The following SYNJ1 variants were observed in gnomAD, a reference collection of about 807,000 sequenced individuals.
SYNJ1 encodes polyphosphatidylinositol phosphatase SYNJ1.
In SYNJ1, 78 loss-of-function variants were observed where a neutral mutation model predicts 168.2. That is an observed-to-expected ratio of 0.46 (90% CI 0.39 to 0.56). The LOEUF (loss-of-function observed/expected upper bound fraction) is 0.56. SYNJ1 is among the 20% of genes least tolerant of loss of function. SYNJ1 has a pLI of 0.00. For missense variants in SYNJ1, 1,303 were observed against 1,597.6 expected (o/e 0.82, Z 3.14); for synonymous variants, 539 against 548.6 (o/e 0.98, Z 0.24).
rs979476656 is a variant in SYNJ1 at position 32,630,768 on chromosome 21, C to T, written c.*1037G>A. On this transcript the variant is annotated 3_prime_UTR_variant, in exon 33 of 33. Coordinates refer to ENST00000674351, the MANE Select transcript of SYNJ1 (RefSeq NM_203446.3). ...TACTTTTTATGGCTACTACTGTCTCCTATTCATCCAAAGAGAAATACATCA... is the reference window on the plus strand; with the variant it reads ...TACTTTTTATGGCTACTACTGTCTCTTATTCATCCAAAGAGAAATACATCA... 1 of 450,546 alleles carries T rather than the reference C, an allele frequency of 2.2e-6. No individual in the cohort carries two copies. Among genetic ancestry groups the T allele is most frequent in the Middle Eastern group, 6.2e-4 (1 of 1,624 alleles). The allele number at this position is 450,546 out of a possible 1,614,324, so 27.9% of individuals were successfully genotyped here.
intron 2 of SYNJ1, among the ~76,000 whole-genome samples, chr21:32,709,079 GAAC>G (rs760779421): frequency 6.6e-6 from 1 of 152,094 alleles, no homozygotes; most frequent in Non-Finnish European, 1.5e-5. Context: ...GTTAATCACA[GAAC>G]AATTAAAAAG....
chr21:32,666,287 C>G lies in SYNJ1; in HGVS notation c.1952+146G>C. The G allele has an allele frequency of 2.1e-6, 3 of 1,445,258 alleles. No individual in the cohort carries two copies. In the South Asian group the frequency reaches 4.2e-5, roughly 20 times the overall value. 89.5% of individuals were successfully genotyped at this position (1,445,258 alleles called of 1,614,324 possible). On this transcript the variant is annotated intron_variant, in intron 16 of 32. Coordinates refer to ENST00000674351, the MANE Select transcript of SYNJ1 (RefSeq NM_203446.3). ...TAGTACAGTGAAGCTATTGGTGAGT[C>G]TTTAATCAAAACCCCCAAAACCCCA... is the stretch of plus-strand genomic sequence containing the variant.
At chr21:32,695,317 A>G in intron 4 of SYNJ1, 35 bp from the exon 5 acceptor site, 1 of 1,573,188 alleles carries the variant, frequency 6.4e-7, no homozygotes, top group South Asian at 1.1e-5. Context: ...TAGCTTATGG[A>G]ATACTAAGTA....
intron 23 of SYNJ1, among the ~76,000 whole-genome samples, chr21:32,648,115 T>C (rs2145794020): frequency 6.6e-6 from 1 of 152,308 alleles, no homozygotes; most frequent in Middle Eastern, 3.4e-3. Flanking sequence ...CCCAGCCTAA[T>C]TTTCTCAGTG....
At chr21:32,727,741 C>T in intron 1 of SYNJ1, 5 of 1,166,734 alleles carry the variant, frequency 4.3e-6, no homozygotes, top group Non-Finnish European at 4.6e-6. Context: ...GCTGTCACCA[C>T]AGCCCCCAGC....
At chr21:32,657,639 C>T (rs191377731) in intron 19 of SYNJ1, 77 bp downstream of exon 19, 10 of 1,343,492 alleles carry the variant, frequency 7.4e-6, no homozygotes, top group Non-Finnish European at 8.0e-6. Flanking sequence ...ATATTCTCCT[C>T]ATTTGATATT....
rs1162064512 is a variant in SYNJ1 at position 32,630,892 on chromosome 21, G to A, written c.*913C>T. The A allele has an allele frequency of 3.6e-6, 4 of 1,102,538 alleles. No individual in the cohort carries two copies. Among genetic ancestry groups the A allele is most frequent in the Non-Finnish European group, 5.1e-6 (4 of 777,716 alleles). 68.3% of individuals were successfully genotyped at this position (1,102,538 alleles called of 1,614,324 possible). ...ATAGTGGTGTTTTGTGAAGATATCA[G>A]TGCACTTACAATGACTTATTGCACA... On this transcript the variant is annotated 3_prime_UTR_variant, in exon 33 of 33. Transcript: ENST00000674351.
At chr21:32,690,674 T>C (rs1028607510) in intron 6 of SYNJ1, among the ~76,000 whole-genome samples, 1 of 151,386 alleles carries the variant, frequency 6.6e-6, no homozygotes, top group Non-Finnish European at 1.5e-5. Context: ...CTGGATCACC[T>C]GAGGTCAGGA....
chr21:32,705,041 C>A (rs530854816), intron 2 of SYNJ1, among the ~76,000 whole-genome samples: 3 of 150,708 alleles, frequency 2.0e-5, no homozygotes, highest in East Asian at 3.9e-4. Context: ...CCCAGCTACT[C>A]GGGAAGTTGA....
At position 32,657,063 on chromosome 21, in the gene SYNJ1, G is replaced by A. The variant is rs560413403; in HGVS notation, c.2519C>T (p.Thr840Met). Residue 840 changes from threonine to methionine, a missense_variant, in exon 20 of 33, where the codon ACG becomes ATG. Around this residue, in one of 2 missense-constraint regions of SYNJ1, gnomAD observed 920 missense variants for 1,208.8 expected, o/e 0.76. Transcript: ENST00000674351. ...GTGCAGCAAAGTGCCTGGAGTCCAC[G>A]TGTACAGAATTTTGCTTTCATCTTG... ...SFQDESKILY[T>M]WTPGTLLHYG... The A allele has an allele frequency of 2.0e-5, 33 of 1,614,032 alleles. No individual in the cohort carries two copies. Among genetic ancestry groups the A allele is most frequent in the Admixed American group, 5.0e-5 (3 of 60,002 alleles).
In SYNJ1 at chr21:32,646,506, G is replaced by A; in HGVS notation, c.3134C>T (p.Ser1045Leu). Reference protein sequence around the residue: ...SSGLGTSPSSSPRTSPCQSPT... With the variant: ...SSGLGTSPSSLPRTSPCQSPT... ...TGACTGGCAGGGACTAGTTCGGGGT[G>A]AAGAGCTGGGGGAAGTACCAAGGCC... The change falls in exon 24 of 33, where the codon TCA becomes TTA. Residue 1045 changes from serine to leucine, a missense_variant. Transcript: ENST00000674351. The A allele has an allele frequency of 3.1e-6, 5 of 1,614,160 alleles. No individual in the cohort carries two copies. The highest frequency in any genetic ancestry group is 3.4e-6 in the Non-Finnish European group (4 of 1,180,016).
chr21:32,656,969 CAA>C (rs1207592310), intron 20 of SYNJ1, 32 bp downstream of exon 20: 1 of 1,610,556 alleles, frequency 6.2e-7, no homozygotes. Flanking sequence ...AAACAAATTT[CAA>C]ACACTATTAG....
At chr21:32,689,100 A>G (rs1467181532) in intron 6 of SYNJ1, among the ~76,000 whole-genome samples, 2 of 152,366 alleles carry the variant, frequency 1.3e-5, no homozygotes, top group Middle Eastern at 3.4e-3. Flanking sequence ...ACAGGAGAAT[A>G]GCAGAGAGAT....
chr21:32,698,516 CAT>C (rs775361454), intron 4 of SYNJ1, among the ~76,000 whole-genome samples: 2 of 152,304 alleles, frequency 1.3e-5, no homozygotes, highest in African/African-American at 4.8e-5. Context: ...GGCCTTATAA[CAT>C]ATGTCAATAT....
At chr21:32,685,641 T>C (rs914922943) in intron 9 of SYNJ1, 107 bp downstream of exon 9, 2 of 700,010 alleles carry the variant, frequency 2.9e-6, no homozygotes. Context: ...TTAAAAGATA[T>C]TTAATTATAA....
chr21:32,695,314 T>G, intron 4 of SYNJ1, 32 bp from the exon 5 acceptor site: 1 of 1,590,192 alleles, frequency 6.3e-7, no homozygotes, highest in Non-Finnish European at 8.6e-7. Context: ...GATTAGCTTA[T>G]GGAATACTAA....
chr21:32,646,525 C>G lies in SYNJ1; in HGVS notation c.3115G>C (p.Gly1039Arg), dbSNP rs773666811. 1.9e-6 allele frequency: 3 copies of G among 1,614,100 alleles called. No homozygotes were observed. In the Admixed American group the frequency reaches 5.0e-5, roughly 27 times the overall value. ...HLQPSSSSGL[G>R]TSPSSSPRTS... ...CGGGGTGAAGAGCTGGGGGAAGTAC[C>G]AAGGCCGGAACTTGAAGATGGCTGG... is the stretch of plus-strand genomic sequence containing the variant. Residue 1039 changes from glycine to arginine, a missense_variant, in exon 24 of 33, where the codon GGT becomes CGT. By Grantham distance (125) the Gly-to-Arg change is moderately radical (BLOSUM62 -2). This residue lies in a region of SYNJ1 where 383 missense variants were observed against 388.8 expected (regional missense o/e 0.99). Transcript: ENST00000674351.
At chr21:32,705,738 C>A (rs544695809) in intron 2 of SYNJ1, among the ~76,000 whole-genome samples, 32 of 152,258 alleles carry the variant, frequency 2.1e-4, no homozygotes, top group African/African-American at 7.5e-4. Context: ...GTAATCCCAG[C>A]ACTTCGGGAA....
intron 18 of SYNJ1, among the ~76,000 whole-genome samples, chr21:32,663,730 C>T (rs577429891): frequency 7.9e-5 from 12 of 152,300 alleles, no homozygotes; most frequent in African/African-American, 2.9e-4. Flanking sequence ...ATACTGGACC[C>T]CCATTTACAT....
Sources: allele counts gnomAD v4.1 joint callset (sites outside exome capture counted in the v4.1 genomes callset), GRCh38; gene constraint gnomAD v4.1.1; regional missense constraint gnomAD v4.1.1; transcripts MANE v1.5; gene names NCBI Gene and HGNC (gene_info 2026-07-23, HGNC 2026-07-21).